DGKB: variants seen among roughly 807,000 people sequenced by gnomAD.
The protein encoded by DGKB is 90 kDa diacylglycerol kinase.
DGKB carries 67 observed loss-of-function variants against 114.3 expected under a neutral mutation model. The ratio of observed to expected loss-of-function variants is 0.59; its 90% confidence interval spans 0.48 to 0.72. The LOEUF (loss-of-function observed/expected upper bound fraction) is 0.72. Ranked by LOEUF, DGKB falls within the 30% of genes least tolerant of loss-of-function variation. The pLI, the probability that DGKB is intolerant of heterozygous loss-of-function variation, is 0.00. For missense variants in DGKB, 907 were observed against 975.2 expected (o/e 0.93, Z 0.93); for synonymous variants, 398 against 323.1 (o/e 1.23, Z -2.49).
intron 23 of DGKB, among the ~76,000 whole-genome samples, chr7:14,292,417 G>A (rs1801907321): frequency 6.6e-6 from 1 of 152,174 alleles, no homozygotes. Flanking sequence ...CTCCCATTCT[G>A]TGTCAGCTGA....
chr7:14,479,983 G>T (rs1373945670), intron 20 of DGKB, among the ~76,000 whole-genome samples: 1 of 151,956 alleles, frequency 6.6e-6, no homozygotes, highest in Non-Finnish European at 1.5e-5. Context: ...ATTTACTTCT[G>T]CTTGAATTGT....
intron 13 of DGKB, among the ~76,000 whole-genome samples, chr7:14,650,432 T>G (rs1161706452): frequency 1.1e-4 from 4 of 35,300 alleles, no homozygotes; most frequent in African/African-American, 3.8e-4. Context: ...GAAATAAAGA[T>G]GTTCTTTGAA....
intron 25 of DGKB, among the ~76,000 whole-genome samples, chr7:14,172,793 T>C (rs150977954): frequency 1.4e-3 from 209 of 152,240 alleles, no homozygotes; most frequent in African/African-American, 4.7e-3. Context: ...GTTGTACAGA[T>C]ACAAAATAAA....
At chr7:14,889,142 T>C (rs1562821542) in intron 1 of DGKB, among the ~76,000 whole-genome samples, 1 of 151,686 alleles carries the variant, frequency 6.6e-6, no homozygotes, top group African/African-American at 2.4e-5. Context: ...AGCATTCACT[T>C]TGATTTACTA....
Position 14,567,399 on chromosome 7 carries a change from TATTA to T in DGKB, c.1770+6809_1770+6812del, listed in dbSNP as rs1213258995. 7.4e-5 allele frequency among the ~76,000 whole-genome samples: 3 copies of T among 40,624 alleles called. No homozygotes were observed. The Admixed American group carries it at 1.6e-3, about 21-fold the overall frequency. 26.7% of individuals were successfully genotyped at this position (40,624 alleles called of 152,430 possible). Reference sequence around the variant, plus strand: ...TATTTATATATTATATATATAATTATATTATATATATTATATATTTATATATTAT... The same window carrying T: ...TATTTATATATTATATATATAATTATTATATATTATATATTTATATATTAT... On this transcript the variant is annotated intron_variant, in intron 20 of 25. Coordinates refer to ENST00000402815, the MANE Select transcript of DGKB (RefSeq NM_001350709.2).
intron 23 of DGKB, among the ~76,000 whole-genome samples, chr7:14,242,420 C>T (rs1294737294): frequency 6.6e-6 from 1 of 152,136 alleles, no homozygotes; most frequent in Non-Finnish European, 1.5e-5. Flanking sequence ...TTATGTCACT[C>T]ACAGTAAAGG....
chr7:14,666,950 T>C (rs531264446), intron 13 of DGKB, among the ~76,000 whole-genome samples: 95 of 152,156 alleles, frequency 6.2e-4, no homozygotes, highest in African/African-American at 2.2e-3. Flanking sequence ...AATCATTGTT[T>C]AATTTTTATT....
intron 2 of DGKB, among the ~76,000 whole-genome samples, chr7:14,836,750 C>G (rs1269412738): frequency 6.6e-6 from 1 of 152,228 alleles, no homozygotes; most frequent in East Asian, 1.9e-4. Context: ...GGAGCACGGT[C>G]ACAGCATGCT....
At chr7:14,491,799 T>A (rs138026413) in intron 20 of DGKB, among the ~76,000 whole-genome samples, 33 of 152,210 alleles carry the variant, frequency 2.2e-4, no homozygotes, top group Admixed American at 5.9e-4. Context: ...AGAATAATAT[T>A]ATTTTAACTG....
intron 20 of DGKB, among the ~76,000 whole-genome samples, chr7:14,478,876 C>T (rs934309511): frequency 6.6e-6 from 1 of 151,716 alleles, no homozygotes; most frequent in Non-Finnish European, 1.5e-5. Flanking sequence ...GTTTCTGAGA[C>T]CCCAAGTGCA....
intron 21 of DGKB, among the ~76,000 whole-genome samples, chr7:14,364,563 T>A (rs1816326841): frequency 6.6e-6 from 1 of 152,066 alleles, no homozygotes; most frequent in African/African-American, 2.4e-5. Context: ...TTAGGTAAAA[T>A]CATTTTCATT....
rs549720621 is a variant in DGKB at position 14,383,265 on chromosome 7, G to A, written c.1836-37874C>T. On this transcript the variant is annotated intron_variant, in intron 21 of 25. Transcript: ENST00000402815. Reference sequence around the variant, plus strand: ...CTTTTTTAGGGGGGACTGATGCCTGGTTATATCTGCGGTACACCAGTTCCT... The same window carrying A: ...CTTTTTTAGGGGGGACTGATGCCTGATTATATCTGCGGTACACCAGTTCCT... 1.4e-4 allele frequency among the ~76,000 whole-genome samples: 22 copies of A among 152,170 alleles called. No homozygotes were observed. The East Asian group carries it at 4.1e-3, about 28-fold the overall frequency.
rs1782061141 is a variant in DGKB, at chr7:14,178,154, G to A, written c.2123-3C>T. The A allele has an allele frequency of 6.2e-7, 1 of 1,613,156 alleles. No homozygotes were observed. Among genetic ancestry groups the A allele is most frequent in the Non-Finnish European group, 8.5e-7 (1 of 1,179,726 alleles). ...CTCCAGCAGCTGGTCACTGAGATCT[G>A]AAAGAAAGTAGATGCCTTTTAAGTT... On this transcript the variant is annotated splice_region_variant and splice_polypyrimidine_tract_variant and intron_variant, in intron 23 of 25. Coordinates refer to ENST00000402815, the MANE Select transcript of DGKB (RefSeq NM_001350709.2).
At chr7:14,652,182 A>G (rs139168501) in intron 13 of DGKB, among the ~76,000 whole-genome samples, 102,461 of 141,858 alleles carry the variant, frequency 0.72, 37,054 homozygotes, top group Admixed American at 0.78. Flanking sequence ...AAAAGAGCCC[A>G]CATCACCAAG....
chr7:14,375,765 G>A (rs1818381484), intron 21 of DGKB, among the ~76,000 whole-genome samples: 1 of 152,088 alleles, frequency 6.6e-6, no homozygotes, highest in Admixed American at 6.5e-5. Flanking sequence ...TACTTTGATT[G>A]CCTCTCTCCT....
At chr7:14,955,919 C>A (rs780699707) in intron 1 of DGKB, among the ~76,000 whole-genome samples, 2 of 151,892 alleles carry the variant, frequency 1.3e-5, no homozygotes, top group Non-Finnish European at 2.9e-5. Context: ...GATTAACTAC[C>A]TTGTAAGAAC....
At chr7:14,819,513 C>G (rs1339619132) in intron 2 of DGKB, among the ~76,000 whole-genome samples, 1 of 152,108 alleles carries the variant, frequency 6.6e-6, no homozygotes, top group East Asian at 1.9e-4. Flanking sequence ...TTACTTGAGC[C>G]TGGGAGGCGG....
intron 23 of DGKB, among the ~76,000 whole-genome samples, chr7:14,243,101 G>A (rs38292): frequency 0.76 from 115,954 of 151,658 alleles, 45,108 homozygotes; most frequent in African/African-American, 0.92. Context: ...AATGCTGTAA[G>A]CCTATTTTTA....
chr7:14,953,894 GC>G (rs1786347039), intron 1 of DGKB, among the ~76,000 whole-genome samples: 1 of 152,044 alleles, frequency 6.6e-6, no homozygotes, highest in Non-Finnish European at 1.5e-5. Flanking sequence ...TAATGTATGG[GC>G]CCCCAGACCT....
Sources: gnomAD v4.1 joint callset for allele counts (sites outside exome capture counted in the v4.1 genomes callset) on GRCh38, gnomAD v4.1.1 for gene constraint, MANE v1.5 for transcripts, NCBI Gene and HGNC (gene_info 2026-07-23, HGNC 2026-07-21) for gene names.